The following KLHL29 variants were observed in gnomAD, a reference collection of about 807,000 sequenced individuals.
KLHL29 encodes the protein kelch like family member 29, also known as kelch-like protein 29.
Under a neutral mutation model 80.4 loss-of-function variants are expected in KLHL29, and 21 were observed. That is an observed-to-expected ratio of 0.26 (90% CI 0.19 to 0.38). The LOEUF is 0.38. KLHL29 is among the 10% of genes least tolerant of loss of function. The probability of loss-of-function intolerance (pLI) is 1.00; values close to 1 mark genes in which losing one functional copy is unlikely to be tolerated. For missense variants in KLHL29, 867 were observed against 1,223.9 expected (o/e 0.71, Z 4.35); for synonymous variants, 511 against 526.8 (o/e 0.97, Z 0.41).
At chr2:23,404,083 T>C (rs1023887890) in intron 1 of KLHL29, among the ~76,000 whole-genome samples, 6 of 152,218 alleles carry the variant, frequency 3.9e-5, no homozygotes, top group Non-Finnish European at 7.3e-5. Context: ...TTACCTCTGA[T>C]ACAGATTTAA....
At chr2:23,672,282 G>A (rs995390845) in intron 5 of KLHL29, 2 of 152,404 alleles carry the variant, frequency 1.3e-5, no homozygotes, top group African/African-American at 4.8e-5. Context: ...GTCCCCAGTA[G>A]GAAGGGGTTC....
rs1667485645 is a variant in KLHL29, at chr2:23,562,785, A to G, written c.285+304A>G. Among the ~76,000 whole-genome samples, 1 of 152,232 alleles carries G rather than the reference A, an allele frequency of 6.6e-6. No individual in the cohort carries two copies. The highest frequency in any genetic ancestry group is 3.2e-3 in the Middle Eastern group (1 of 316). The stretch of plus-strand genomic sequence containing the variant: ...TGAGTGAAGTAACAGTGGACCTCCA[A>G]GATGGCAATATGGGGTTCCTAAATA... On this transcript the variant is annotated intron_variant, in intron 3 of 13. Coordinates refer to ENST00000486442, the MANE Select transcript of KLHL29 (RefSeq NM_052920.2). This position sits in a 1 kb window ranked among gnomAD's most constrained non-coding sequence, Gnocchi z 4.5.
chr2:23,536,446 C>T (rs944186020), intron 2 of KLHL29, among the ~76,000 whole-genome samples: 1 of 152,144 alleles, frequency 6.6e-6, no homozygotes, highest in African/African-American at 2.4e-5. Context: ...GGGCTGGTGC[C>T]GGCCTGAGCA....
intron 5 of KLHL29, among the ~76,000 whole-genome samples, chr2:23,683,570 C>T (rs1671151915): frequency 6.6e-6 from 1 of 152,242 alleles, no homozygotes; most frequent in African/African-American, 2.4e-5. Flanking sequence ...AGGTCTGGAG[C>T]CCATGGGCCC....
intron 3 of KLHL29, among the ~76,000 whole-genome samples, chr2:23,629,524 G>A (rs1206194376): frequency 2.0e-5 from 3 of 152,324 alleles, no homozygotes; most frequent in Middle Eastern, 3.4e-3. Context: ...GTAAGGTTCT[G>A]CCAGATTTAT....
At chr2:23,482,424 A>T (rs922957267) in intron 2 of KLHL29, among the ~76,000 whole-genome samples, 4 of 152,208 alleles carry the variant, frequency 2.6e-5, no homozygotes, top group Non-Finnish European at 4.4e-5. Context: ...CTGGCCAAGG[A>T]GACATGGGTG....
At chr2:23,586,853 C>G (rs1031907645) in intron 3 of KLHL29, among the ~76,000 whole-genome samples, 12 of 152,034 alleles carry the variant, frequency 7.9e-5, no homozygotes, top group Admixed American at 2.6e-4. Context: ...CTCTTCCCCC[C>G]ACGGGCACTG....
intron 1 of KLHL29, among the ~76,000 whole-genome samples, chr2:23,407,748 AC>A: frequency 6.6e-6 from 1 of 151,898 alleles, no homozygotes; most frequent in East Asian, 1.9e-4. Context: ...TGCAAATTCA[AC>A]TTTTTATCAG....
chr2:23,390,830 T>C (rs1666302239), intron 1 of KLHL29, among the ~76,000 whole-genome samples: 1 of 152,022 alleles, frequency 6.6e-6, no homozygotes, highest in African/African-American at 2.4e-5. Context: ...TTTTTTGCAT[T>C]TTTAGTAGAG....
chr2:23,707,925 G>C lies in KLHL29; in HGVS notation c.*1261G>C, dbSNP rs1303910349. ...GTCACACCATGGCTCAAAAGGGAAA[G>C]GCCTTCCCACTTGTCCTTAGCCCCT... On this transcript the variant is annotated 3_prime_UTR_variant, in exon 14 of 14. Transcript: ENST00000486442. 6.6e-6 allele frequency: 1 copy of C among 152,246 alleles called. No homozygotes were observed. Among genetic ancestry groups the C allele is most frequent in the African/African-American group, 2.4e-5 (1 of 41,440 alleles). 9.4% of individuals were successfully genotyped at this position (152,246 alleles called of 1,614,324 possible).
chr2:23,406,667 C>T (rs993668421), intron 1 of KLHL29, among the ~76,000 whole-genome samples: 2 of 152,090 alleles, frequency 1.3e-5, no homozygotes, highest in Non-Finnish European at 1.5e-5. Context: ...CACACATCTG[C>T]CAAGGTCCAG....
intron 2 of KLHL29, among the ~76,000 whole-genome samples, chr2:23,530,237 C>T (rs1666451689): frequency 6.6e-6 from 1 of 152,232 alleles, no homozygotes; most frequent in Non-Finnish European, 1.5e-5. Flanking sequence ...AGTCTTTATC[C>T]TCTTCTGGCC....
chr2:23,552,862 C>A (rs1667165794), intron 2 of KLHL29, among the ~76,000 whole-genome samples: 1 of 151,292 alleles, frequency 6.6e-6, no homozygotes, highest in South Asian at 2.1e-4. Context: ...CAGGTTCAAG[C>A]GATTCTCCTG....
intron 2 of KLHL29, among the ~76,000 whole-genome samples, chr2:23,529,431 A>G (rs1480189059): frequency 2.0e-5 from 3 of 152,152 alleles, no homozygotes; most frequent in East Asian, 3.8e-4. Flanking sequence ...TCCATTTTAA[A>G]ATGGATATTG....
In KLHL29 at chr2:23,590,342, C is replaced by A. The variant is rs534755017; in HGVS notation, c.285+27861C>A. Among the ~76,000 whole-genome samples the A allele has an allele frequency of 3.9e-5, 6 of 152,340 alleles. No homozygotes were observed. The South Asian group carries it at 1.0e-3, about 26-fold the overall frequency. ...TCTGGTTTTCTCGAAGGCCCTCGGT[C>A]GGGCAGGTCCTTCTCCCTGCTGTTT... is the stretch of plus-strand genomic sequence containing the variant. On this transcript the variant is annotated intron_variant, in intron 3 of 13. Coordinates refer to ENST00000486442, the MANE Select transcript of KLHL29 (RefSeq NM_052920.2).
chr2:23,443,001 C>T (rs375008702), intron 1 of KLHL29, among the ~76,000 whole-genome samples: 6 of 152,128 alleles, frequency 3.9e-5, no homozygotes, highest in African/African-American at 7.2e-5. Context: ...GTAGCTGCCA[C>T]GCTGAATGTG....
chr2:23,469,363 CGTCAGGGA>C (rs1176548226), intron 1 of KLHL29, among the ~76,000 whole-genome samples: 1 of 152,150 alleles, frequency 6.6e-6, no homozygotes, highest in Non-Finnish European at 1.5e-5. Flanking sequence ...CTGGCCTGCC[CGTCAGGGA>C]ATCAGGGATG....
intron 5 of KLHL29, among the ~76,000 whole-genome samples, chr2:23,650,304 G>C (rs1169834858): frequency 6.6e-6 from 1 of 152,208 alleles, no homozygotes; most frequent in East Asian, 1.9e-4. Flanking sequence ...GGAGGGAAGT[G>C]CCAGGGACAC....
intron 2 of KLHL29, among the ~76,000 whole-genome samples, chr2:23,516,876 C>T (rs1209661701): frequency 6.6e-6 from 1 of 152,042 alleles, no homozygotes; most frequent in South Asian, 2.1e-4. Context: ...GGGATTCCCT[C>T]CAGACCCTCA....
Sources: allele counts gnomAD v4.1 joint callset (sites outside exome capture counted in the v4.1 genomes callset), GRCh38; gene constraint gnomAD v4.1.1; non-coding constraint Gnocchi (gnomAD v3.1); transcripts MANE v1.5; gene names NCBI Gene and HGNC (gene_info 2026-07-23, HGNC 2026-07-21).